Variants in ZFC3H1 observed in about 807,000 individuals in gnomAD.
ZFC3H1 encodes zinc finger C3H1 domain-containing protein.
ZFC3H1 carries 71 observed loss-of-function variants against 243.7 expected under a neutral mutation model. That is an observed-to-expected ratio of 0.29 (90% confidence interval 0.24 to 0.36). ZFC3H1 has a LOEUF of 0.36. Among genes scored for constraint, ZFC3H1 ranks in the 10% least tolerant of loss-of-function variants. The pLI is 1.00. For missense variants in ZFC3H1, 1,966 were observed against 2,317.1 expected (o/e 0.85, Z 3.11); for synonymous variants, 838 against 813.0 (o/e 1.03, Z -0.52).
Position 71,624,116 on chromosome 12 carries a change from C to T in ZFC3H1, c.4494G>A (p.Leu1498=), listed in dbSNP as rs775326044. 1 of 1,611,154 alleles carries T rather than the reference C, an allele frequency of 6.2e-7. No homozygotes were observed. The highest frequency in any genetic ancestry group is 1.1e-5 in the South Asian group (1 of 90,888). ...ACCAAGTGCTTACCTGTAAAATTGCCAGTGCACTTTGGCATCTTCCAGTAA... is the reference window on the plus strand; with the variant it reads ...ACCAAGTGCTTACCTGTAAAATTGCTAGTGCACTTTGGCATCTTCCAGTAA... ...HIFTGRCQSA[L]AILQNALKSA... Residue 1498 remains leucine (L), a synonymous_variant, in exon 23 of 35, where the codon CTG becomes CTA. Coordinates refer to ENST00000378743, the MANE Select transcript of ZFC3H1 (RefSeq NM_144982.5).
intron 1 of ZFC3H1, chr12:71,660,375 T>C (rs1565832688): frequency 6.6e-6 from 1 of 152,160 alleles, no homozygotes; most frequent in Non-Finnish European, 1.5e-5. Context: ...TGATACTTCA[T>C]AGGGAAAACA....
intron 2 of ZFC3H1, among the ~76,000 whole-genome samples, chr12:71,651,123 G>C (rs958918658): frequency 3.9e-5 from 6 of 152,302 alleles, no homozygotes; most frequent in African/African-American, 7.2e-5. Context: ...CAGTTCAATA[G>C]ATCTAAGGTA....
At chr12:71,613,218 T>C (rs1032717949) in intron 31 of ZFC3H1, 117 bp downstream of exon 31, 10 of 633,582 alleles carry the variant, frequency 1.6e-5, no homozygotes, top group Non-Finnish European at 2.3e-5. Context: ...AAGCAGTATA[T>C]ATTCATGAGG....
At chr12:71,618,886 G>A (rs1260118592) in intron 27 of ZFC3H1, among the ~76,000 whole-genome samples, 2 of 152,006 alleles carry the variant, frequency 1.3e-5, no homozygotes, top group African/African-American at 2.4e-5. Context: ...ACATTTCAGA[G>A]GCTAGAGCAG....
At chr12:71,647,350 A>G (rs1008457484) in intron 3 of ZFC3H1, among the ~76,000 whole-genome samples, 3 of 152,198 alleles carry the variant, frequency 2.0e-5, no homozygotes, top group African/African-American at 7.2e-5. Flanking sequence ...AAGGCTAAAT[A>G]GTTTATACAA....
chr12:71,626,428 C>T lies in ZFC3H1; in HGVS notation c.4149G>A (p.Leu1383=), dbSNP rs1880168645. 2 of 1,613,516 alleles carry T rather than the reference C, an allele frequency of 1.2e-6. No homozygotes were observed. Among genetic ancestry groups the T allele is most frequent in the Non-Finnish European group, 1.7e-6 (2 of 1,179,852 alleles). ...NQNEGECSES[L]DSALNVLARA... ...GCGCCAGAACATTTAAAGCAGAATC[C>T]AAGGATTCTGAGCACTCCCTGTATA... Residue 1383 remains leucine, a synonymous_variant, in exon 22 of 35, where the codon TTG becomes TTA. Coordinates refer to ENST00000378743, the MANE Select transcript of ZFC3H1 (RefSeq NM_144982.5).
Position 71,636,616 on chromosome 12 carries a change from A to T in ZFC3H1, c.1974T>A (p.Val658=). The T allele has an allele frequency of 6.2e-7, 1 of 1,613,754 alleles. No individual in the cohort carries two copies. The highest frequency in any genetic ancestry group is 8.5e-7 in the Non-Finnish European group (1 of 1,179,844). ...SSNSDPPSPP[V]LNNSHPVPRS... ...TTGGCACAGGATGTGAATTGTTCAG[A>T]ACTGGAGGTGAAGGTGGGTCACTAT... The change falls in exon 9 of 35, where the codon GTT becomes GTA. Residue 658 remains valine, a synonymous_variant. Transcript: ENST00000378743.
chr12:71,610,498 T>C lies in ZFC3H1; in HGVS notation c.5900A>G (p.Gln1967Arg). 6.2e-7 allele frequency: 1 copy of C among 1,613,670 alleles called. No homozygotes were observed. The highest frequency in any genetic ancestry group is 8.5e-7 in the Non-Finnish European group (1 of 1,179,656). The change falls in exon 35 of 35, where the codon CAA becomes CGA. Residue 1967 changes from glutamine (Q) to arginine (R), a missense_variant. Transcript: ENST00000378743. ...DNLRKLVSKC[Q>R]EIGVSLNELL... Reference sequence around the variant, plus strand: ...CTCATTTAGGCTGACTCCAATCTCTTGGCACTTGGAAACTAGTTTTCTCAG... The same window carrying C: ...CTCATTTAGGCTGACTCCAATCTCTCGGCACTTGGAAACTAGTTTTCTCAG...
Position 71,610,359 on chromosome 12 carries a change from A to T in ZFC3H1, c.*69T>A. 1 of 1,553,980 alleles carries T rather than the reference A, an allele frequency of 6.4e-7. No individual in the cohort carries two copies. Among genetic ancestry groups the T allele is most frequent in the Non-Finnish European group, 8.7e-7 (1 of 1,144,342 alleles). On this transcript the variant is annotated 3_prime_UTR_variant, in exon 35 of 35. Coordinates refer to ENST00000378743, the MANE Select transcript of ZFC3H1 (RefSeq NM_144982.5). ...ACAGACCTTAGCCAGGGATCAGCCT[A>T]ATCTTGAAGAATCATTCAAATAATT...
At position 71,656,978 on chromosome 12, in the gene ZFC3H1, A is replaced by G. The variant is rs1351718603; in HGVS notation, c.922T>C (p.Leu308=). The G allele has an allele frequency of 1.2e-6, 2 of 1,613,856 alleles. No individual in the cohort carries two copies. The highest frequency in any genetic ancestry group is 1.7e-6 in the Non-Finnish European group (2 of 1,179,896). ...AFELKPLRQK[L]TLPGDKNRLK... Reference sequence around the variant, plus strand: ...CGGTTCTTATCTCCTGGTAAAGTCAATTTTTGCCTGAGTGGTTTTAATTCA... The same window carrying G: ...CGGTTCTTATCTCCTGGTAAAGTCAGTTTTTGCCTGAGTGGTTTTAATTCA... Residue 308 remains leucine (L), a synonymous_variant, in exon 2 of 35, where the codon TTG becomes CTG. Coordinates refer to ENST00000378743, the MANE Select transcript of ZFC3H1 (RefSeq NM_144982.5).
intron 2 of ZFC3H1, among the ~76,000 whole-genome samples, chr12:71,654,992 G>T (rs558982691): frequency 1.3e-5 from 2 of 152,018 alleles, no homozygotes; most frequent in Admixed American, 6.6e-5. Context: ...AAAGCAAAAA[G>T]TAAAAATCAC....
chr12:71,642,489 T>C lies in ZFC3H1; in HGVS notation c.1574A>G (p.Tyr525Cys). 6.2e-7 allele frequency: 1 copy of C among 1,613,686 alleles called. No homozygotes were observed. The highest frequency in any genetic ancestry group is 8.5e-7 in the Non-Finnish European group (1 of 1,179,790). Residue 525 changes from tyrosine (Y) to cysteine (C), a missense_variant, in exon 6 of 35, where the codon TAT (tyrosine) becomes TGT (cysteine). This residue lies in a region of ZFC3H1 where 1,383 missense variants were observed against 1,723.7 expected (regional missense o/e 0.80). Transcript: ENST00000378743. ...PTDSGGGIYQ[Y>C]DNYEEVAMDT... The stretch of plus-strand genomic sequence containing the variant: ...CATAGCAACTTCTTCATAGTTATCA[T>C]ACTGATAAATGCCTCCTCCACTATC...
In ZFC3H1 at chr12:71,634,818, G is replaced by C; in HGVS notation, c.2246C>G (p.Ser749Ter). 1 of 1,541,206 alleles carries C rather than the reference G, an allele frequency of 6.5e-7. No homozygotes were observed. Among genetic ancestry groups the C allele is most frequent in the South Asian group, 1.2e-5 (1 of 82,526 alleles). The change falls in exon 11 of 35, where the codon TCA becomes TGA. Residue 749 changes from serine to a stop codon, truncating the protein, a stop_gained. Transcript: ENST00000378743. LOFTEE classifies it high-confidence loss of function. ...AGATTTTGGAGGTACTTTCGGTTTT[G>C]AAGCTTGCTAAAAAAAAAAAAACAT... ...KEARRTAEQA[S>*]KPKVPPKSEK...
In ZFC3H1 at chr12:71,658,282, ATTTTTT is replaced by A. The variant is rs11454442; in HGVS notation, c.599-987_599-982del. 8.6e-5 allele frequency among the ~76,000 whole-genome samples: 8 copies of A among 92,810 alleles called. No homozygotes were observed. The East Asian group carries it at 1.7e-3, about 20-fold the overall frequency. The allele number at this position is 92,810 out of a possible 152,430, so 60.9% of individuals were successfully genotyped here. The stretch of plus-strand genomic sequence containing the variant: ...TGTGGTTTTAATACATCATTTATAG[ATTTTTT>A]TTTTTTTTTTTTTTTTTTGAGACAG... On this transcript the variant is annotated intron_variant, in intron 1 of 34. Coordinates refer to ENST00000378743, the MANE Select transcript of ZFC3H1 (RefSeq NM_144982.5).
chr12:71,635,563 T>G lies in ZFC3H1; in HGVS notation c.2118A>C (p.Ser706=). 1 of 1,546,342 alleles carries G rather than the reference T, an allele frequency of 6.5e-7. No homozygotes were observed. Among genetic ancestry groups the G allele is most frequent in the Non-Finnish European group, 8.6e-7 (1 of 1,157,192 alleles). Residue 706 remains serine, a synonymous_variant, in exon 10 of 35, where the codon TCA becomes TCC. Coordinates refer to ENST00000378743, the MANE Select transcript of ZFC3H1 (RefSeq NM_144982.5). ...CTGAATCATTTAGTGTTACAACCACTGATTTATGCTTTGGAAGCTGCAAAG... is the reference window on the plus strand; with the variant it reads ...CTGAATCATTTAGTGTTACAACCACGGATTTATGCTTTGGAAGCTGCAAAG... ...RTVISLPKHK[S]VVVTLNDSDD... is the part of the protein sequence containing the mutation.
At position 71,660,815 on chromosome 12, in the gene ZFC3H1, T is replaced by C. The variant is rs540077492; in HGVS notation, c.598+2198A>G. Among the ~76,000 whole-genome samples the C allele has an allele frequency of 3.2e-4, 48 of 152,190 alleles. 1 individual carries two copies. Among genetic ancestry groups the C allele is most frequent in the African/African-American group, 1.1e-3 (46 of 41,554 alleles). On this transcript the variant is annotated intron_variant, in intron 1 of 34. Transcript: ENST00000378743. ...ATACAAACTACAGGTTTCATCTTTG[T>C]ACCTTTAAAAAACACATATAAACTG...
At chr12:71,646,586 T>C (rs1032571149) in intron 3 of ZFC3H1, among the ~76,000 whole-genome samples, 1 of 152,212 alleles carries the variant, frequency 6.6e-6, no homozygotes, top group Non-Finnish European at 1.5e-5. Context: ...CACTGTTCCA[T>C]TGAGACAAAG....
At chr12:71,616,521 T>C (rs1301663201) in intron 27 of ZFC3H1, among the ~76,000 whole-genome samples, 1 of 152,192 alleles carries the variant, frequency 6.6e-6, no homozygotes, top group East Asian at 1.9e-4. Context: ...ACTAGGATTA[T>C]AGGTCAATCC....
chr12:71,622,587 C>T (rs1374941123), intron 24 of ZFC3H1, among the ~76,000 whole-genome samples: 3 of 152,078 alleles, frequency 2.0e-5, no homozygotes, highest in Non-Finnish European at 4.4e-5. Context: ...CTCAGCCTCC[C>T]GAGTAGCTGG....
Sources: gnomAD v4.1 joint callset for allele counts (sites outside exome capture counted in the v4.1 genomes callset) on GRCh38, gnomAD v4.1.1 for gene constraint, gnomAD v4.1.1 regional missense constraint, MANE v1.5 for transcripts, NCBI Gene and HGNC (gene_info 2026-07-23, HGNC 2026-07-21) for gene names.